LAMA2: variants seen among roughly 807,000 people sequenced by gnomAD.
LAMA2 encodes laminin subunit alpha-2.
In LAMA2, 269 loss-of-function variants were observed where a neutral mutation model predicts 364.8. The observed-to-expected ratio is 0.74, with a 90% confidence interval of 0.67 to 0.82. The LOEUF (loss-of-function observed/expected upper bound fraction) is 0.82. Ranked by LOEUF, LAMA2 falls within the 40% of genes least tolerant of loss-of-function variation. The pLI, the probability that LAMA2 is intolerant of heterozygous loss-of-function variation, is 0.00. For synonymous variants in LAMA2, 1,379 were observed against 1,370.6 expected (o/e 1.01, Z -0.14); for missense variants, 3,807 against 3,873.2 (o/e 0.98, Z 0.45).
intron 2 of LAMA2, among the ~76,000 whole-genome samples, chr6:129,051,254 TA>T (rs1562191403): frequency 2.0e-5 from 3 of 148,162 alleles, no homozygotes; most frequent in South Asian, 2.1e-4. Context: ...TACATAAAGG[TA>T]AAAATATATA....
chr6:129,416,783 C>A (rs1426260834), intron 40 of LAMA2, among the ~76,000 whole-genome samples: 1 of 139,462 alleles, frequency 7.2e-6, no homozygotes, highest in Non-Finnish European at 1.6e-5. Flanking sequence ...CCCACACCTG[C>A]CAAGGGTGAT....
chr6:129,040,259 G>A (rs559754083), intron 1 of LAMA2, among the ~76,000 whole-genome samples: 1 of 152,156 alleles, frequency 6.6e-6, no homozygotes, highest in East Asian at 1.9e-4. Flanking sequence ...TTTTGTGGAT[G>A]ATCTTCATGA....
chr6:129,497,228 AT>A (rs1785256970), intron 58 of LAMA2, among the ~76,000 whole-genome samples: 1 of 151,912 alleles, frequency 6.6e-6, no homozygotes, highest in Admixed American at 6.6e-5. Context: ...ACCATTTTCC[AT>A]TTTTGTATCA....
At chr6:128,945,898 A>G (rs1376197024) in intron 1 of LAMA2, among the ~76,000 whole-genome samples, 1 of 152,246 alleles carries the variant, frequency 6.6e-6, no homozygotes, top group Admixed American at 6.5e-5. Flanking sequence ...AGTTTTCTTC[A>G]AGCTACTCAA....
intron 21 of LAMA2, 27 bp from the exon 22 acceptor site, chr6:129,300,709 T>G: frequency 6.2e-7 from 1 of 1,613,018 alleles, no homozygotes; most frequent in Non-Finnish European, 8.5e-7. Context: ...TTTCCCCTTC[T>G]TTGTTTTCCC....
intron 4 of LAMA2, among the ~76,000 whole-genome samples, chr6:129,118,473 TC>T (rs1335489089): frequency 6.6e-6 from 1 of 152,156 alleles, no homozygotes; most frequent in Admixed American, 6.5e-5. Context: ...TATGTGCATA[TC>T]CTTGGAGATT....
intron 1 of LAMA2, among the ~76,000 whole-genome samples, chr6:128,898,439 A>C (rs1776896658): frequency 6.6e-6 from 1 of 152,210 alleles, no homozygotes; most frequent in Admixed American, 6.5e-5. Context: ...ATCAAATTTG[A>C]CATCTAGAAG....
intron 12 of LAMA2, among the ~76,000 whole-genome samples, chr6:129,249,406 A>T (rs1008003279): frequency 2.6e-5 from 4 of 152,198 alleles, no homozygotes; most frequent in African/African-American, 9.7e-5. Flanking sequence ...AATTTCTACA[A>T]GGTGACTGTC....
chr6:129,211,598 T>C (rs957814063), intron 12 of LAMA2, among the ~76,000 whole-genome samples: 1 of 152,244 alleles, frequency 6.6e-6, no homozygotes, highest in Non-Finnish European at 1.5e-5. Context: ...TGTTCAATGC[T>C]CTCTCATGCT....
chr6:129,394,393 T>C (rs1408914378), intron 37 of LAMA2, among the ~76,000 whole-genome samples: 2 of 152,242 alleles, frequency 1.3e-5, no homozygotes, highest in South Asian at 2.1e-4. Context: ...ATTTCTATTT[T>C]CCTTTAGATT....
chr6:129,179,319 AAAAG>A (rs1472068142), intron 10 of LAMA2, among the ~76,000 whole-genome samples: 3 of 152,182 alleles, frequency 2.0e-5, no homozygotes, highest in Non-Finnish European at 4.4e-5. Flanking sequence ...CTTAAAATGG[AAAAG>A]AAACCTCCTG....
At chr6:129,362,257 G>A (rs545054992) in intron 32 of LAMA2, among the ~76,000 whole-genome samples, 3 of 152,150 alleles carry the variant, frequency 2.0e-5, no homozygotes, top group South Asian at 2.1e-4. Context: ...CTTGTTGATC[G>A]GACAGTCTCT....
intron 40 of LAMA2, among the ~76,000 whole-genome samples, chr6:129,421,837 CG>C (rs966037417): frequency 3.3e-5 from 5 of 152,068 alleles, no homozygotes; most frequent in Non-Finnish European, 7.4e-5. Flanking sequence ...CTCAATTCCA[CG>C]GTGCTTGCAT....
rs553577772 is a variant in LAMA2 at position 129,326,285 on chromosome 6, C to T, written c.4177-1993C>T. 2.0e-5 allele frequency among the ~76,000 whole-genome samples: 3 copies of T among 152,254 alleles called. No homozygotes were observed. In the East Asian group the frequency reaches 5.8e-4, roughly 29 times the overall value. On this transcript the variant is annotated intron_variant, in intron 28 of 64. Transcript: ENST00000421865. The stretch of plus-strand genomic sequence containing the variant: ...AACTCTCCCCCAGAGGAATTGACTC[C>T]ACCTCCTCTAGGGCTGGACCGGACC...
chr6:129,386,942 A>G (rs2114662843), intron 35 of LAMA2, among the ~76,000 whole-genome samples: 1 of 152,246 alleles, frequency 6.6e-6, no homozygotes, highest in Non-Finnish European at 1.5e-5. Context: ...TTATTCCATA[A>G]GCAGCCAATA....
At chr6:129,074,955 G>A (rs1005131190) in intron 3 of LAMA2, among the ~76,000 whole-genome samples, 2 of 152,138 alleles carry the variant, frequency 1.3e-5, no homozygotes, top group African/African-American at 4.8e-5. Context: ...AAAAATATTT[G>A]TTGAGCAACT....
intron 30 of LAMA2, among the ~76,000 whole-genome samples, 180 bp downstream of exon 30, chr6:129,342,647 T>C (rs1408170565): frequency 2.0e-5 from 3 of 152,168 alleles, no homozygotes; most frequent in African/African-American, 7.2e-5. Flanking sequence ...GGTTCATTTT[T>C]CCTTTGAAAC....
At chr6:129,217,199 AAT>A (rs1166124798) in intron 12 of LAMA2, among the ~76,000 whole-genome samples, 2 of 136,006 alleles carry the variant, frequency 1.5e-5, no homozygotes, top group African/African-American at 5.1e-5. Context: ...AAAAAAAAAT[AAT>A]AATAATAATA....
At position 129,402,319 on chromosome 6, in the gene LAMA2, A is replaced by G. The variant is rs761915965; in HGVS notation, c.5563-5A>G. Reference sequence around the variant, plus strand: ...GCTTAAAATGCCCTCTTCTCTACATATCAGTATGTTGAAGACATCCAAACT... The same window carrying G: ...GCTTAAAATGCCCTCTTCTCTACATGTCAGTATGTTGAAGACATCCAAACT... On this transcript the variant is annotated splice_region_variant and splice_polypyrimidine_tract_variant and intron_variant, in intron 38 of 64. Transcript: ENST00000421865. 23 of 1,612,650 alleles carry G rather than the reference A, an allele frequency of 1.4e-5. No individual in the cohort carries two copies. The highest frequency in any genetic ancestry group is 1.9e-5 in the Non-Finnish European group (22 of 1,178,822).
Sources: gnomAD v4.1 joint callset for allele counts (sites outside exome capture counted in the v4.1 genomes callset) on GRCh38, gnomAD v4.1.1 for gene constraint, MANE v1.5 for transcripts, NCBI Gene and HGNC (gene_info 2026-07-23, HGNC 2026-07-21) for gene names.